GRM7: variants seen among roughly 807,000 people sequenced by gnomAD.
The protein encoded by GRM7 is glutamate metabotropic receptor 7.
Under a neutral mutation model 84.5 loss-of-function variants are expected in GRM7, and 35 were observed. That is an observed-to-expected ratio of 0.41 (90% CI 0.32 to 0.55). GRM7 has a LOEUF of 0.55. Among genes scored for constraint, GRM7 ranks in the 20% least tolerant of loss-of-function variants. The pLI is 0.19. For synonymous variants in GRM7, 487 were observed against 455.1 expected (o/e 1.07, Z -0.89); for missense variants, 1,003 against 1,194.6 (o/e 0.84, Z 2.36).
chr3:6,956,786 T>C (rs922327623), intron 1 of GRM7, among the ~76,000 whole-genome samples: 4 of 152,204 alleles, frequency 2.6e-5, no homozygotes, highest in Non-Finnish European at 4.4e-5. Context: ...CTTGTTCAAG[T>C]AGCACAGGGG....
intron 1 of GRM7, among the ~76,000 whole-genome samples, chr3:6,966,001 A>G (rs1361982975): frequency 5.3e-5 from 8 of 152,198 alleles, no homozygotes; most frequent in African/African-American, 1.9e-4. Flanking sequence ...TGCCAAGGTG[A>G]TCTGAAAGAT....
intron 8 of GRM7, among the ~76,000 whole-genome samples, chr3:7,625,499 C>G (rs1024763623): frequency 1.3e-5 from 2 of 152,098 alleles, no homozygotes; most frequent in African/African-American, 2.4e-5. Context: ...TTGCCCAACT[C>G]ATGAGTCAAA....
intron 8 of GRM7, among the ~76,000 whole-genome samples, chr3:7,661,821 T>G (rs60771637): frequency 2.3e-4 from 11 of 47,362 alleles, no homozygotes; most frequent in South Asian, 7.6e-4. Context: ...AAAAAAAAAA[T>G]GTAAAATGCT....
intron 2 of GRM7, among the ~76,000 whole-genome samples, chr3:7,293,578 A>C (rs1232759273): frequency 6.6e-6 from 1 of 152,198 alleles, no homozygotes; most frequent in African/African-American, 2.4e-5. Context: ...AGAAGTGTGA[A>C]TTAATTTGGC....
intron 7 of GRM7, chr3:7,559,126 C>T (rs1388353491): frequency 8.0e-5 from 11 of 138,196 alleles, no homozygotes; most frequent in Non-Finnish European, 1.5e-5. Flanking sequence ...CATATATTAA[C>T]AGTCGCTTTT....
intron 5 of GRM7, among the ~76,000 whole-genome samples, chr3:7,417,905 T>C (rs910496988): frequency 3.3e-5 from 5 of 151,912 alleles, no homozygotes; most frequent in Non-Finnish European, 7.4e-5. Context: ...CCCATACTAT[T>C]TGGAGAGAGC....
chr3:7,549,176 A>T (rs1343447699), intron 7 of GRM7, among the ~76,000 whole-genome samples: 1 of 152,256 alleles, frequency 6.6e-6, no homozygotes, highest in Non-Finnish European at 1.5e-5. Flanking sequence ...TTAAAATTAA[A>T]TAATACAAAC....
chr3:7,530,705 C>CT lies in GRM7; in HGVS notation c.1516-47710dup, dbSNP rs1701004575. ...TTCTCTAATGACCAGTGATGATGGG[C>CT]TTTTTTTCATATGTTTCTTGGCCAC... On this transcript the variant is annotated intron_variant, in intron 7 of 9. Transcript: ENST00000357716. 2.6e-5 allele frequency among the ~76,000 whole-genome samples: 4 copies of CT among 151,740 alleles called. No individual in the cohort carries two copies. In the South Asian group the frequency reaches 8.3e-4, roughly 32 times the overall value.
chr3:7,255,994 A>G (rs550292680), intron 2 of GRM7, among the ~76,000 whole-genome samples: 5 of 152,268 alleles, frequency 3.3e-5, no homozygotes, highest in South Asian at 4.1e-4. Context: ...TCACCAGCCC[A>G]CAGTCCTGAG....
intron 1 of GRM7, among the ~76,000 whole-genome samples, chr3:6,918,576 T>C (rs1391599721): frequency 2.0e-5 from 3 of 152,188 alleles, no homozygotes; most frequent in Non-Finnish European, 4.4e-5. Flanking sequence ...TATTATCTTC[T>C]ATGTTTATTC....
intron 4 of GRM7, among the ~76,000 whole-genome samples, chr3:7,358,355 C>CACAACTTCCTGGTTCA (rs1339901039): frequency 2.7e-5 from 4 of 149,708 alleles, no homozygotes; most frequent in African/African-American, 7.5e-5. Context: ...GACTGAGTCC[C>CACAACTTCCTGGTTCA]AGGAGATCAT....
intron 2 of GRM7, among the ~76,000 whole-genome samples, chr3:7,272,648 A>T (rs2124980527): frequency 6.6e-6 from 1 of 152,238 alleles, no homozygotes; most frequent in East Asian, 1.9e-4. Flanking sequence ...AGTTGTTCAT[A>T]GAATTTCTCT....
At chr3:6,902,811 C>T (rs62235378) in intron 1 of GRM7, among the ~76,000 whole-genome samples, 7,370 of 150,174 alleles carry the variant, frequency 0.049, 229 homozygotes, top group Admixed American at 0.093. Flanking sequence ...TAGTATGTAC[C>T]CTTGAGTTTA....
chr3:7,188,537 G>T lies in GRM7; in HGVS notation c.736+41869G>T, dbSNP rs535638394. 1.1e-4 allele frequency among the ~76,000 whole-genome samples: 16 copies of T among 152,146 alleles called. No individual in the cohort carries two copies. Among genetic ancestry groups the T allele is most frequent in the African/African-American group, 3.9e-4 (16 of 41,518 alleles). On this transcript the variant is annotated intron_variant, in intron 2 of 9. Coordinates refer to ENST00000357716, the MANE Select transcript of GRM7 (RefSeq NM_000844.4). This position sits in a 1 kb window ranked among gnomAD's most constrained non-coding sequence, Gnocchi z 4.2. ...CAAAACCTAAAATATTTACTATCTAGAAATTTACAAAAAATGTTGCCTGAT... is the reference window on the plus strand; with the variant it reads ...CAAAACCTAAAATATTTACTATCTATAAATTTACAAAAAATGTTGCCTGAT...
intron 2 of GRM7, among the ~76,000 whole-genome samples, chr3:7,147,021 C>G (rs953217824): frequency 4.6e-5 from 7 of 152,170 alleles, no homozygotes; most frequent in African/African-American, 1.7e-4. Flanking sequence ...CTCTCTGCCT[C>G]TCTCCAAAAT....
rs142151300 is a variant in GRM7, at chr3:6,863,142, GT to G, written c.519+1241del. 1.3e-5 allele frequency: 4 copies of G among 314,150 alleles called. No individual in the cohort carries two copies. The highest frequency in any genetic ancestry group is 1.9e-5 in the Non-Finnish European group (3 of 159,892). The allele number at this position is 314,150 out of a possible 1,614,324, so 19.5% of individuals were successfully genotyped here. On this transcript the variant is annotated intron_variant, in intron 1 of 9. Coordinates refer to ENST00000357716, the MANE Select transcript of GRM7 (RefSeq NM_000844.4). The surrounding 1 kb of genome is among the most constrained non-coding windows in gnomAD (Gnocchi z 4.8). ...TCCTTGCTGTTTTTTTTTTCTCTCT[GT>G]TTTTTCTCTCCTTTTCAATCTCTCC...
chr3:7,439,226 T>A (rs1335618259), intron 5 of GRM7, among the ~76,000 whole-genome samples: 1 of 152,152 alleles, frequency 6.6e-6, no homozygotes, highest in East Asian at 1.9e-4. Flanking sequence ...CCAGACTACC[T>A]TTCCAAGGGC....
At chr3:6,904,038 T>A (rs1306740334) in intron 1 of GRM7, among the ~76,000 whole-genome samples, 1 of 152,180 alleles carries the variant, frequency 6.6e-6, no homozygotes, top group Non-Finnish European at 1.5e-5. Context: ...TTTTTAATGT[T>A]GTATATATCG....
chr3:7,055,067 T>C (rs1697162982), intron 1 of GRM7, among the ~76,000 whole-genome samples: 1 of 152,014 alleles, frequency 6.6e-6, no homozygotes. Flanking sequence ...TCTTTTTTTG[T>C]GTGTCCTTTT....
Sources: allele counts gnomAD v4.1 joint callset (sites outside exome capture counted in the v4.1 genomes callset), GRCh38; gene constraint gnomAD v4.1.1; non-coding constraint Gnocchi (gnomAD v3.1); transcripts MANE v1.5; gene names NCBI Gene and HGNC (gene_info 2026-07-23, HGNC 2026-07-21).